The following STAU2 variants were observed in gnomAD, a reference collection of about 807,000 sequenced individuals.
STAU2 encodes double-stranded RNA-binding protein Staufen homolog 2.
In STAU2, 20 loss-of-function variants were observed where a neutral mutation model predicts 65.9. The ratio of observed to expected loss-of-function variants is 0.30; its 90% CI spans 0.21 to 0.44. The LOEUF (loss-of-function observed/expected upper bound fraction) is 0.44. STAU2 is among the 20% of genes least tolerant of loss of function. STAU2 has a pLI of 1.00. For missense variants in STAU2, 558 were observed against 683.9 expected, an observed-to-expected ratio of 0.82 and a Z score of 2.05; for synonymous variants, 232 against 233.9, an observed-to-expected ratio of 0.99 and a Z score of 0.07.
intron 13 of STAU2, among the ~76,000 whole-genome samples, chr8:73,492,074 G>C (rs1167019064): frequency 6.6e-6 from 1 of 151,716 alleles, no homozygotes; most frequent in African/African-American, 2.4e-5. Context: ...TAGAGGTGGG[G>C]GCTGGGGTGA....
intron 13 of STAU2, among the ~76,000 whole-genome samples, chr8:73,479,591 A>G (rs1820504334): frequency 6.6e-6 from 1 of 152,052 alleles, no homozygotes; most frequent in Non-Finnish European, 1.5e-5. Context: ...ATGATAATAC[A>G]GTAGAAAAAA....
At chr8:73,441,198 A>G (rs1818108124) in intron 13 of STAU2, 2 of 152,228 alleles carry the variant, frequency 1.3e-5, no homozygotes, top group Non-Finnish European at 2.9e-5. Flanking sequence ...CTAAAATTCT[A>G]TTATATATTT....
chr8:73,576,177 G>T (rs1809535240), intron 12 of STAU2, among the ~76,000 whole-genome samples: 4 of 151,976 alleles, frequency 2.6e-5, no homozygotes, highest in Admixed American at 2.6e-4. Flanking sequence ...TGCACCCATA[G>T]AAATGTTCAA....
chr8:73,439,063 T>C (rs1386758724), intron 13 of STAU2: 3 of 456,526 alleles, frequency 6.6e-6, no homozygotes, highest in African/African-American at 6.0e-5. Flanking sequence ...GATGGATGTG[T>C]CTGGACTTCC....
intron 3 of STAU2, among the ~76,000 whole-genome samples, chr8:73,724,571 A>T (rs1051992900): frequency 2.0e-5 from 3 of 151,870 alleles, no homozygotes; most frequent in African/African-American, 7.3e-5. Context: ...GTGTATTTAG[A>T]TGATTTTGCC....
chr8:73,551,929 A>G, intron 13 of STAU2, 83 bp downstream of exon 13: 2 of 1,453,142 alleles, frequency 1.4e-6, no homozygotes, highest in Non-Finnish European at 1.8e-6. Context: ...CTAGCAGGCA[A>G]GAATGAGCCT....
intron 13 of STAU2, among the ~76,000 whole-genome samples, chr8:73,521,623 C>T (rs555491764): frequency 5.9e-5 from 9 of 152,220 alleles, no homozygotes; most frequent in African/African-American, 2.2e-4. Flanking sequence ...ACTGCATTTC[C>T]AATTTTGAAC....
chr8:73,475,466 T>C (rs1004618501), intron 13 of STAU2, among the ~76,000 whole-genome samples: 2 of 152,214 alleles, frequency 1.3e-5, no homozygotes, highest in African/African-American at 4.8e-5. Context: ...ATTTTACTCT[T>C]ACTGTAAATC....
chr8:73,595,771 T>C (rs1034112867), intron 10 of STAU2, among the ~76,000 whole-genome samples: 2 of 152,146 alleles, frequency 1.3e-5, no homozygotes, highest in Admixed American at 6.5e-5. Flanking sequence ...TTATATTAAA[T>C]AGTTCCTGAA....
At chr8:73,459,612 C>T (rs1229709319) in intron 13 of STAU2, among the ~76,000 whole-genome samples, 1 of 152,060 alleles carries the variant, frequency 6.6e-6, no homozygotes, top group Non-Finnish European at 1.5e-5. Flanking sequence ...AAGACCTCAA[C>T]CAGCAGCCCT....
intron 13 of STAU2, among the ~76,000 whole-genome samples, chr8:73,425,256 G>A (rs1047471940): frequency 3.4e-4 from 51 of 152,154 alleles, no homozygotes; most frequent in African/African-American, 1.2e-3. Flanking sequence ...TACTGGAGTA[G>A]GGTAGGTCCC....
At chr8:73,554,944 T>C (rs938775105) in intron 12 of STAU2, among the ~76,000 whole-genome samples, 1 of 152,230 alleles carries the variant, frequency 6.6e-6, no homozygotes, top group Non-Finnish European at 1.5e-5. Flanking sequence ...CACATCTTTA[T>C]TTCTATTGTT....
chr8:73,579,228 G>C (rs1314700514), intron 12 of STAU2, among the ~76,000 whole-genome samples: 4 of 152,140 alleles, frequency 2.6e-5, no homozygotes, highest in African/African-American at 9.7e-5. Context: ...ATTTGTCTTT[G>C]GTCATCTCTA....
At chr8:73,614,427 A>G (rs112207760) in intron 8 of STAU2, among the ~76,000 whole-genome samples, 3,076 of 152,306 alleles carry the variant, frequency 0.02, 96 homozygotes, top group African/African-American at 0.067. Context: ...AAAAACAGTC[A>G]ATGGATAAAA....
chr8:73,724,101 C>A (rs1413934836), intron 3 of STAU2, among the ~76,000 whole-genome samples: 2 of 152,204 alleles, frequency 1.3e-5, no homozygotes, highest in Non-Finnish European at 2.9e-5. Context: ...TATGTCACAT[C>A]CTGGAAAATC....
At chr8:73,567,833 C>T (rs1808729866) in intron 12 of STAU2, among the ~76,000 whole-genome samples, 1 of 151,256 alleles carries the variant, frequency 6.6e-6, no homozygotes, top group Admixed American at 6.6e-5. Flanking sequence ...ACAGGCATCC[C>T]ACCTTTTCTT....
intron 5 of STAU2, among the ~76,000 whole-genome samples, chr8:73,688,415 C>T (rs1050909120): frequency 1.3e-5 from 2 of 152,002 alleles, no homozygotes; most frequent in Non-Finnish European, 2.9e-5. Flanking sequence ...ATCCACCCGC[C>T]TCGGCCTCCC....
rs571175173 is a variant in STAU2 at position 73,431,787 on chromosome 8, G to A, written c.1531-9085C>T. ...GTGTGTGTGCTCACAGAATGGAGGT[G>A]AGTCCAGTCATGTCTGTAATTTCTA... On this transcript the variant is annotated intron_variant, in intron 13 of 14. Transcript: ENST00000524300. 2.0e-5 allele frequency among the ~76,000 whole-genome samples: 3 copies of A among 152,330 alleles called. No homozygotes were observed. The South Asian group carries it at 6.2e-4, about 32-fold the overall frequency.
At position 73,515,822 on chromosome 8, in the gene STAU2, C is replaced by A. The variant is rs553178815; in HGVS notation, c.1530+36190G>T. The stretch of plus-strand genomic sequence containing the variant: ...TTTGAGACACGGTCTCACTCTGTCA[C>A]CCAGGCTGGAAAGCAGTGGTGGCTC... On this transcript the variant is annotated intron_variant, in intron 13 of 14. Transcript: ENST00000524300. Among the ~76,000 whole-genome samples, 191 of 134,542 alleles carry A rather than the reference C, an allele frequency of 1.4e-3. 1 individual carries two copies. The highest frequency in any genetic ancestry group is 5.1e-3 in the African/African-American group (184 of 36,098). The allele number at this position is 134,542 out of a possible 152,430, so 88.3% of individuals were successfully genotyped here.
Sources: gnomAD v4.1 joint callset for allele counts (sites outside exome capture counted in the v4.1 genomes callset) on GRCh38, gnomAD v4.1.1 for gene constraint, MANE v1.5 for transcripts, NCBI Gene and HGNC (gene_info 2026-07-23, HGNC 2026-07-21) for gene names.